STPG2: variants seen among roughly 807,000 people sequenced by gnomAD.
STPG2 encodes the protein sperm tail PG-rich repeat containing 2, also known as sperm-tail PG-rich repeat-containing protein 2.
STPG2 carries 56 observed loss-of-function variants against 54.2 expected under a neutral mutation model. That is an observed-to-expected ratio of 1.03 (90% CI 0.83 to 1.29). The LOEUF (loss-of-function observed/expected upper bound fraction) is 1.29. Among genes scored for constraint, STPG2 ranks in the 50% most tolerant of loss-of-function variants. The probability of loss-of-function intolerance (pLI) is 0.00; values close to 1 mark genes in which losing one functional copy is unlikely to be tolerated. For missense variants in STPG2, 596 were observed against 544.9 expected (o/e 1.09, Z -0.93); for synonymous variants, 200 against 181.8 (o/e 1.10, Z -0.81).
intron 4 of STPG2, among the ~76,000 whole-genome samples, chr4:97,501,415 A>T (rs1182957336): frequency 2.0e-5 from 3 of 152,102 alleles, no homozygotes; most frequent in Non-Finnish European, 4.4e-5. Flanking sequence ...AAAAAAAATA[A>T]AGCATTATAT....
chr4:97,527,285 T>G (rs1388108586), intron 4 of STPG2, among the ~76,000 whole-genome samples: 1 of 152,114 alleles, frequency 6.6e-6, no homozygotes, highest in East Asian at 1.9e-4. Context: ...TTGCTGAGGA[T>G]GATAGCTTCC....
At chr4:98,018,714 A>C (rs774718323) in intron 5 of STPG2, among the ~76,000 whole-genome samples, 8 of 151,464 alleles carry the variant, frequency 5.3e-5, no homozygotes, top group Admixed American at 2.0e-4. Flanking sequence ...GCCATTCTAA[A>C]TGGTGTGAGA....
At chr4:98,141,156 T>A (rs150395591) in intron 1 of STPG2, among the ~76,000 whole-genome samples, 1 of 152,186 alleles carries the variant, frequency 6.6e-6, no homozygotes, top group Non-Finnish European at 1.5e-5. Context: ...TAATCCTATA[T>A]ATAGTGGCTT....
At chr4:98,130,992 T>G (rs1255527202) in intron 2 of STPG2, among the ~76,000 whole-genome samples, 1 of 150,096 alleles carries the variant, frequency 6.7e-6, no homozygotes, top group Non-Finnish European at 1.5e-5. Flanking sequence ...TCTCTATTCC[T>G]ACAACTCTCC....
chr4:97,600,438 A>G (rs552858273), intron 10 of STPG2, among the ~76,000 whole-genome samples: 53 of 152,308 alleles, frequency 3.5e-4, no homozygotes, highest in African/African-American at 1.2e-3. Flanking sequence ...CAAAGCAAAA[A>G]CCAGAAAAAA....
At chr4:97,908,821 C>T (rs1731556213) in intron 8 of STPG2, among the ~76,000 whole-genome samples, 1 of 143,126 alleles carries the variant, frequency 7.0e-6, no homozygotes, top group Non-Finnish European at 1.5e-5. Flanking sequence ...ACAATGAGAA[C>T]ACATGGACAC....
chr4:97,712,852 A>ATTT, intron 9 of STPG2, 38 bp from the exon 10 acceptor site: 1 of 1,412,898 alleles, frequency 7.1e-7, no homozygotes, highest in Non-Finnish European at 9.7e-7. Flanking sequence ...GATAAAGTAT[A>ATTT]TTTTAAAATT....
At chr4:97,847,514 T>A (rs780478145) in intron 8 of STPG2, among the ~76,000 whole-genome samples, 10 of 152,142 alleles carry the variant, frequency 6.6e-5, no homozygotes, top group Non-Finnish European at 1.0e-4. Context: ...ATGAAAGGAA[T>A]TAGAATTGAC....
At chr4:98,107,915 GAAT>G (rs1431229083) in intron 4 of STPG2, among the ~76,000 whole-genome samples, 6 of 151,962 alleles carry the variant, frequency 3.9e-5, no homozygotes, top group African/African-American at 1.4e-4. Flanking sequence ...GTCTTGCTTG[GAAT>G]AATAATAATA....
At chr4:97,545,161 G>T (rs1205909851) in intron 4 of STPG2, among the ~76,000 whole-genome samples, 8 of 152,156 alleles carry the variant, frequency 5.3e-5, no homozygotes, top group South Asian at 2.1e-4. Context: ...GGACAACTAG[G>T]ATTCAGCTAG....
At chr4:97,695,762 A>C (rs529316576) in intron 10 of STPG2, among the ~76,000 whole-genome samples, 1 of 152,142 alleles carries the variant, frequency 6.6e-6, no homozygotes, top group South Asian at 2.1e-4. Flanking sequence ...GGAAAAAAAA[A>C]AAAAGAAACT....
chr4:97,889,363 T>C (rs1730685747), intron 8 of STPG2, among the ~76,000 whole-genome samples: 2 of 152,214 alleles, frequency 1.3e-5, no homozygotes, highest in African/African-American at 4.8e-5. Flanking sequence ...GAGATAACTA[T>C]ATTCCCATGT....
chr4:97,896,717 G>C (rs1730968824), intron 8 of STPG2, among the ~76,000 whole-genome samples: 1 of 151,522 alleles, frequency 6.6e-6, no homozygotes, highest in Non-Finnish European at 1.5e-5. Context: ...TTTATATTTT[G>C]TAAAAATTAA....
intron 4 of STPG2, among the ~76,000 whole-genome samples, chr4:97,513,033 G>A (rs1224548238): frequency 6.6e-6 from 1 of 152,058 alleles, no homozygotes. Context: ...AACAGATTGT[G>A]GCCTGTGCTT....
At chr4:97,516,848 C>CT (rs775041696) in intron 4 of STPG2, among the ~76,000 whole-genome samples, 495 of 103,546 alleles carry the variant, frequency 4.8e-3, no homozygotes, top group Non-Finnish European at 7.9e-3. Flanking sequence ...ACAACAACAA[C>CT]AATATATATA....
intron 10 of STPG2, among the ~76,000 whole-genome samples, chr4:97,678,435 C>T (rs1321136945): frequency 6.6e-6 from 1 of 151,852 alleles, no homozygotes; most frequent in Non-Finnish European, 1.5e-5. Flanking sequence ...TAGATATATT[C>T]AAATGTCTTC....
chr4:97,890,577 C>T (rs976967178), intron 8 of STPG2, among the ~76,000 whole-genome samples: 10 of 151,654 alleles, frequency 6.6e-5, no homozygotes, highest in African/African-American at 2.4e-4. Context: ...TGACGGGGTA[C>T]AAAAATGCAG....
intron 10 of STPG2, among the ~76,000 whole-genome samples, chr4:97,583,766 T>TA (rs1389799997): frequency 1.3e-5 from 2 of 151,746 alleles, no homozygotes; most frequent in African/African-American, 4.8e-5. Flanking sequence ...GCAACAATGT[T>TA]AAAAAAGACA....
intron 10 of STPG2, among the ~76,000 whole-genome samples, chr4:97,595,282 G>A (rs1302176341): frequency 6.6e-6 from 1 of 152,162 alleles, no homozygotes; most frequent in Non-Finnish European, 1.5e-5. Flanking sequence ...AAAAAAGGAT[G>A]AGTTCATGTC....
Sources: gnomAD v4.1 joint callset for allele counts (sites outside exome capture counted in the v4.1 genomes callset) on GRCh38, gnomAD v4.1.1 for gene constraint, MANE v1.5 for transcripts, NCBI Gene and HGNC (gene_info 2026-07-23, HGNC 2026-07-21) for gene names.